The following ADAMTS20 variants were observed in gnomAD, a reference collection of about 807,000 sequenced individuals.
ADAMTS20 encodes the protein A disintegrin and metalloproteinase with thrombospondin motifs 20.
In ADAMTS20, 225 loss-of-function variants were observed where a neutral mutation model predicts 260.1. That is an observed-to-expected ratio of 0.87 (90% CI 0.78 to 0.97). The LOEUF (loss-of-function observed/expected upper bound fraction) is 0.97, where lower values mean the gene tolerates loss of function less well. Ranked by LOEUF, ADAMTS20 falls within the 50% of genes least tolerant of loss-of-function variation. The pLI is 0.00. For synonymous variants in ADAMTS20, 802 were observed against 769.5 expected (o/e 1.04, Z -0.70); for missense variants, 2,400 against 2,337.7 (o/e 1.03, Z -0.55).
chr12:43,481,745 A>G (rs1166494190), intron 7 of ADAMTS20, among the ~76,000 whole-genome samples: 1 of 152,204 alleles, frequency 6.6e-6, no homozygotes, highest in Non-Finnish European at 1.5e-5. Flanking sequence ...TTTTTTCTCC[A>G]AGATGGCTAA....
chr12:43,383,479 C>T, intron 31 of ADAMTS20, 79 bp downstream of exon 31: 2 of 1,402,806 alleles, frequency 1.4e-6, no homozygotes, highest in Non-Finnish European at 1.9e-6. Flanking sequence ...ATTTTATACC[C>T]AGTTTCAGCT....
Position 43,432,370 on chromosome 12 carries a change from G to A in ADAMTS20, c.3030C>T (p.Ser1010=). The change falls in exon 21 of 39, where the codon TCC becomes TCT. Residue 1010 remains serine (S), a synonymous_variant. Coordinates refer to ENST00000389420, the MANE Select transcript of ADAMTS20 (RefSeq NM_025003.5). ...CATTGCAATTCTCTCTCGTCACTCG[G>A]GACAGTTCTTGGCATTCATTGTCAG... ...RLADNECQEL[S]RVTRENCNEF... 6.2e-7 allele frequency: 1 copy of A among 1,613,638 alleles called. No homozygotes were observed. The highest frequency in any genetic ancestry group is 1.1e-5 in the South Asian group (1 of 91,064).
At chr12:43,423,659 A>C (rs1238996731) in intron 28 of ADAMTS20, 2 of 690,518 alleles carry the variant, frequency 2.9e-6, no homozygotes, top group Non-Finnish European at 5.3e-6. Flanking sequence ...CAGAAAGTGG[A>C]TTTCCAATCT....
rs275388 is a variant in ADAMTS20 at position 43,533,038 on chromosome 12, A to G, written c.454-843T>C. 6.1e-5 allele frequency among the ~76,000 whole-genome samples: 2 copies of G among 32,782 alleles called. 1 individual carries two copies. 21.5% of individuals were successfully genotyped at this position (32,782 alleles called of 152,430 possible). ...ATACGTGTGCATGTGTCTTTATAGC[A>G]GCATGATTTATAGTCCTTTGGGTAT... On this transcript the variant is annotated intron_variant, in intron 2 of 38. Coordinates refer to ENST00000389420, the MANE Select transcript of ADAMTS20 (RefSeq NM_025003.5).
rs533442329 is a variant in ADAMTS20 at position 43,427,356 on chromosome 12, T to A, written c.4059A>T (p.Gln1353His). ...DAASKPPELQ[Q>H]CGPGPCPQWN... The stretch of plus-strand genomic sequence containing the variant: ...ACTGTGGACAAGGCCCTGGACCACA[T>A]TGCTGTAACTCTGGAGGCTTGGAGG... The change falls in exon 27 of 39, where the codon CAA becomes CAT. Residue 1353 changes from glutamine (Q) to histidine (H), a missense_variant. Gln to His is a conservative substitution (Grantham distance 24, BLOSUM62 0). Coordinates refer to ENST00000389420, the MANE Select transcript of ADAMTS20 (RefSeq NM_025003.5). 50 of 1,613,834 alleles carry A rather than the reference T, an allele frequency of 3.1e-5. No individual in the cohort carries two copies. The highest frequency in any genetic ancestry group is 1.6e-4 in the East Asian group (7 of 44,896).
chr12:43,483,963 A>T (rs1223778799), intron 7 of ADAMTS20, among the ~76,000 whole-genome samples: 1 of 152,176 alleles, frequency 6.6e-6, no homozygotes, highest in African/African-American at 2.4e-5. Context: ...GACCTCTTCC[A>T]TTCCAGCCAC....
intron 14 of ADAMTS20, among the ~76,000 whole-genome samples, chr12:43,450,022 A>C (rs1941836072): frequency 6.6e-6 from 1 of 152,186 alleles, no homozygotes; most frequent in Non-Finnish European, 1.5e-5. Flanking sequence ...TGAGTATGTA[A>C]GTAACACATT....
At chr12:43,513,749 G>A (rs275641) in intron 3 of ADAMTS20, among the ~76,000 whole-genome samples, 145,727 of 152,094 alleles carry the variant, frequency 0.96, 69,883 homozygotes, top group East Asian at 0.99. Context: ...TGATGAGTTC[G>A]TGTCCTTTGT....
intron 6 of ADAMTS20, among the ~76,000 whole-genome samples, chr12:43,491,330 C>T (rs980493005): frequency 3.3e-5 from 5 of 152,108 alleles, no homozygotes; most frequent in African/African-American, 1.2e-4. Context: ...CATAAGTACA[C>T]TCTATTATGT....
chr12:43,523,613 G>A (rs1592109452), intron 3 of ADAMTS20, among the ~76,000 whole-genome samples: 2 of 152,100 alleles, frequency 1.3e-5, no homozygotes, highest in South Asian at 4.2e-4. Flanking sequence ...TTGTGACTTT[G>A]AGATCTACCT....
chr12:43,433,299 G>C (rs1941485043), intron 19 of ADAMTS20, among the ~76,000 whole-genome samples: 1 of 152,100 alleles, frequency 6.6e-6, no homozygotes. Flanking sequence ...CATGTTTCCA[G>C]GTAAAACATG....
chr12:43,522,714 G>T (rs1943088901), intron 3 of ADAMTS20, among the ~76,000 whole-genome samples: 1 of 152,166 alleles, frequency 6.6e-6, no homozygotes, highest in African/African-American at 2.4e-5. Flanking sequence ...TTTGATGGTG[G>T]TGTTTGTGGG....
At chr12:43,471,110 C>T (rs145043608) in intron 7 of ADAMTS20, among the ~76,000 whole-genome samples, 6,110 of 152,062 alleles carry the variant, frequency 0.04, 382 homozygotes, top group African/African-American at 0.14. Context: ...AGACAGTGGG[C>T]GCAGGCCAGT....
rs1258789122 is a variant in ADAMTS20 at position 43,369,372 on chromosome 12, A to G, written c.5456T>C (p.Leu1819Pro). 3.9e-6 allele frequency: 6 copies of G among 1,537,560 alleles called. No homozygotes were observed. The highest frequency in any genetic ancestry group is 5.3e-6 in the Non-Finnish European group (6 of 1,142,488). ...TCCAAATATTGTTTTGGAAAAAAGA[A>G]GGTCCGTAGCTAGAAAATAATAAAT... ...LTSMQIKTTD[L>P]LFSKTIFGNA... The change falls in exon 37 of 39, where the codon CTT becomes CCT. Residue 1819 changes from leucine (L) to proline (P), a missense_variant. Leu to Pro is a moderately conservative substitution (Grantham distance 98). Coordinates refer to ENST00000389420, the MANE Select transcript of ADAMTS20 (RefSeq NM_025003.5).
intron 31 of ADAMTS20, among the ~76,000 whole-genome samples, chr12:43,378,766 G>C (rs1940285073): frequency 6.6e-6 from 1 of 152,176 alleles, no homozygotes; most frequent in Non-Finnish European, 1.5e-5. Context: ...AACATCCCTA[G>C]AGGGGTGACA....
At position 43,432,805 on chromosome 12, in the gene ADAMTS20, A is replaced by G. The variant is rs759038068; in HGVS notation, c.2727T>C (p.His909=). 2 of 1,613,178 alleles carry G rather than the reference A, an allele frequency of 1.2e-6. No individual in the cohort carries two copies. The highest frequency in any genetic ancestry group is 1.7e-6 in the Non-Finnish European group (2 of 1,179,280). ...SCNTDCELRW[H]VIGKSECSSQ... ...ATGAACATTCACTTTTGCCAATAACATGCCACCTTGAAAAAAGATGTTACT... is the reference window on the plus strand; with the variant it reads ...ATGAACATTCACTTTTGCCAATAACGTGCCACCTTGAAAAAAGATGTTACT... The change falls in exon 20 of 39, where the codon CAT becomes CAC. Residue 909 remains histidine (H), a synonymous_variant. Coordinates refer to ENST00000389420, the MANE Select transcript of ADAMTS20 (RefSeq NM_025003.5).
intron 4 of ADAMTS20, among the ~76,000 whole-genome samples, chr12:43,501,119 C>T (rs991037048): frequency 1.5e-5 from 2 of 136,248 alleles, no homozygotes; most frequent in African/African-American, 5.6e-5. Flanking sequence ...AGTGCAATGG[C>T]ACGATCTCGG....
Position 43,502,263 on chromosome 12 carries a change from T to C in ADAMTS20, c.756A>G (p.Lys252=), listed in dbSNP as rs751218104. The C allele has an allele frequency of 1.2e-6, 2 of 1,612,106 alleles. No individual in the cohort carries two copies. Among genetic ancestry groups the C allele is most frequent in the South Asian group, 2.2e-5 (2 of 90,794 alleles). Residue 252 remains lysine (K), a synonymous_variant, in exon 4 of 39, where the codon AAA becomes AAG. Transcript: ENST00000389420. ...LKDERRHSRK[K]RLISYPRYIE... ...TGTATCTTGGATATGATATAAGACGTTTTTTCCTGGAATGTCTTCTTTCAT... is the reference window on the plus strand; with the variant it reads ...TGTATCTTGGATATGATATAAGACGCTTTTTCCTGGAATGTCTTCTTTCAT...
intron 18 of ADAMTS20, among the ~76,000 whole-genome samples, chr12:43,434,709 T>A (rs924108974): frequency 4.6e-5 from 7 of 152,168 alleles, no homozygotes; most frequent in Non-Finnish European, 1.0e-4. Flanking sequence ...GTACACTATA[T>A]TACTGTCATC....
Sources: gnomAD v4.1 joint callset for allele counts (sites outside exome capture counted in the v4.1 genomes callset) on GRCh38, gnomAD v4.1.1 for gene constraint, MANE v1.5 for transcripts, NCBI Gene and HGNC (gene_info 2026-07-23, HGNC 2026-07-21) for gene names.